Variants in GATA4 observed in about 807,000 individuals in gnomAD.
GATA4 encodes GATA binding protein 4.
Under a neutral mutation model 37.9 loss-of-function variants are expected in GATA4, and 7 were observed. The ratio of observed to expected loss-of-function variants is 0.18; its 90% CI spans 0.11 to 0.35. The LOEUF (loss-of-function observed/expected upper bound fraction) is 0.35. Ranked by LOEUF, GATA4 falls within the 10% of genes least tolerant of loss-of-function variation. The probability of loss-of-function intolerance (pLI) is 1.00; values close to 1 mark genes in which losing one functional copy is unlikely to be tolerated. For missense variants in GATA4, 647 were observed against 653.0 expected (o/e 0.99, Z 0.10); for synonymous variants, 372 against 292.6 (o/e 1.27, Z -2.77).
intron 6 of GATA4, 48 bp downstream of exon 6, chr8:11,757,131 T>G (rs763624027): frequency 6.2e-7 from 1 of 1,608,982 alleles, no homozygotes; most frequent in African/African-American, 1.3e-5. Context: ...GGAGGCCGAC[T>G]GCAGAGTCCC....
At chr8:11,691,820 C>G (rs1480643450), upstream of GATA4, among the ~76,000 whole-genome samples, 1 of 151,944 alleles carries the variant, frequency 6.6e-6, no homozygotes, top group African/African-American at 2.4e-5. Flanking sequence ...GCGCCCCAAA[C>G]AAAAGACTAC....
At chr8:11,703,076 T>G (rs2130032901), upstream of GATA4, among the ~76,000 whole-genome samples, 1 of 152,234 alleles carries the variant, frequency 6.6e-6, no homozygotes, top group East Asian at 1.9e-4. Flanking sequence ...CCAGCCTGCT[T>G]TCGGAGCAGC....
intron 4 of GATA4, among the ~76,000 whole-genome samples, chr8:11,752,502 A>C (rs767284375): frequency 6.6e-6 from 1 of 152,238 alleles, no homozygotes; most frequent in Non-Finnish European, 1.5e-5. Flanking sequence ...CACTATAGTG[A>C]GAACAGTATG....
intron 2 of GATA4, among the ~76,000 whole-genome samples, chr8:11,734,579 T>C (rs770525681): frequency 1.1e-4 from 16 of 152,186 alleles, no homozygotes; most frequent in African/African-American, 3.4e-4. Context: ...CTCCGCCTCC[T>C]GGGTTCAGGC....
At chr8:11,702,126 C>T (rs1799696907), upstream of GATA4, among the ~76,000 whole-genome samples, 1 of 152,208 alleles carries the variant, frequency 6.6e-6, no homozygotes, top group South Asian at 2.1e-4. The surrounding 1 kb of genome is among the most constrained non-coding windows in gnomAD (Gnocchi z 4.4). Flanking sequence ...GCACCTCCCG[C>T]TGCAGCCCAT....
At chr8:11,753,389 T>A (rs1000451883) in intron 4 of GATA4, among the ~76,000 whole-genome samples, 19 of 151,822 alleles carry the variant, frequency 1.3e-4, no homozygotes, top group South Asian at 2.1e-4. Context: ...GGGATGGTGG[T>A]CAGGCTTGCA....
chr8:11,727,640 C>A (rs538058656), intron 2 of GATA4, among the ~76,000 whole-genome samples: 1 of 151,982 alleles, frequency 6.6e-6, no homozygotes, highest in South Asian at 2.1e-4. Flanking sequence ...CTCAGGAGTT[C>A]GAGACCAGAC....
rs189997952 is a variant in GATA4 at position 11,698,031 on chromosome 8, G to C, written c.-728-2477G>C. 3.7e-4 allele frequency: 365 copies of C among 984,664 alleles called. No individual in the cohort carries two copies. In the East Asian group the frequency reaches 4.4e-3, roughly 12 times the overall value. 61.0% of individuals were successfully genotyped at this position (984,664 alleles called of 1,614,324 possible). On this transcript the variant is annotated intron_variant, in intron 1 of 2. Transcript: ENST00000526974. ...GGGCAAGAGGAGCCCTGGACTCTGGGTTGACCTCGTCCCGGTCGGGTTCTC... is the reference window on the plus strand; with the variant it reads ...GGGCAAGAGGAGCCCTGGACTCTGGCTTGACCTCGTCCCGGTCGGGTTCTC...
At chr8:11,693,478 AAGAG>A (rs113044488) in intron 1 of GATA4, among the ~76,000 whole-genome samples, 152 of 144,312 alleles carry the variant, frequency 1.1e-3, no homozygotes, top group African/African-American at 3.5e-3. Context: ...AGGGAGAAAG[AAGAG>A]AGAGAGAGAG....
At chr8:11,715,253 CA>C in intron 2 of GATA4, among the ~76,000 whole-genome samples, 2 of 152,238 alleles carry the variant, frequency 1.3e-5, no homozygotes, top group South Asian at 4.1e-4. Context: ...ATTTGTAACA[CA>C]GATTTGCCTG....
intron 1 of GATA4, among the ~76,000 whole-genome samples, chr8:11,695,040 C>A (rs750450691): frequency 1.8e-4 from 28 of 152,198 alleles, no homozygotes; most frequent in African/African-American, 2.9e-4. Context: ...TGCTACCTTG[C>A]GCCCTGATGG....
intron 2 of GATA4, among the ~76,000 whole-genome samples, chr8:11,711,747 CAAAAAAAAAAAAA>C (rs71205018): frequency 3.5e-5 from 2 of 56,864 alleles, no homozygotes; most frequent in African/African-American, 1.4e-4. Context: ...GACCCTCTCT[CAAAAAAAAAAAAA>C]AAAAAAAAAA....
rs570058209 is a variant in GATA4 at position 11,753,020 on chromosome 8, T to C, written c.913-2026T>C. Among the ~76,000 whole-genome samples, 6 of 152,218 alleles carry C rather than the reference T, an allele frequency of 3.9e-5. No homozygotes were observed. The South Asian group carries it at 1.2e-3, about 32-fold the overall frequency. ...ATTATATTCTCAGAAAATAAAAAAA[T>C]AGAATTACCACATGATCCAGCGTAC... is the stretch of plus-strand genomic sequence containing the variant. On this transcript the variant is annotated intron_variant, in intron 4 of 6. Coordinates refer to ENST00000532059, the MANE Select transcript of GATA4 (RefSeq NM_001308093.3).
chr8:11,736,187 G>C (rs1801444490), intron 2 of GATA4, among the ~76,000 whole-genome samples: 1 of 152,244 alleles, frequency 6.6e-6, no homozygotes, highest in South Asian at 2.1e-4. Context: ...TTACAGGCCA[G>C]AGCCACCATG....
At chr8:11,721,168 C>T (rs1272427478) in intron 2 of GATA4, among the ~76,000 whole-genome samples, 1 of 151,288 alleles carries the variant, frequency 6.6e-6, no homozygotes, top group African/African-American at 2.4e-5. Flanking sequence ...TTCTACGGAG[C>T]CCTTAGGATA....
chr8:11,721,690 A>G (rs747831836), intron 2 of GATA4, among the ~76,000 whole-genome samples: 99 of 152,292 alleles, frequency 6.5e-4, no homozygotes, highest in Middle Eastern at 6.8e-3. Flanking sequence ...TAGTCCCCAA[A>G]TCTGGAGCCC....
intron 1 of GATA4, among the ~76,000 whole-genome samples, chr8:11,680,127 C>T (rs967965889): frequency 1.3e-5 from 2 of 152,214 alleles, no homozygotes; most frequent in African/African-American, 2.4e-5. Flanking sequence ...GCGCGCAGCC[C>T]GCGGGGAAAA....
chr8:11,739,326 T>C (rs1563220084), intron 2 of GATA4, among the ~76,000 whole-genome samples: 1 of 152,220 alleles, frequency 6.6e-6, no homozygotes, highest in Non-Finnish European at 1.5e-5. Context: ...TCCTCTACCA[T>C]TGGGCGTTTT....
chr8:11,748,922 T>A lies in GATA4; in HGVS notation c.623T>A (p.Met208Lys), dbSNP rs140892695. ...PAARHPNLVD[M>K]FDDFSEGREC... ...TCTGTTCCCCCCAACTCAGTAGATA[T>A]GTTTGACGACTTCTCAGAAGGCAGA... The change falls in exon 3 of 7, where the codon ATG (methionine) becomes AAG (lysine). Residue 208 changes from methionine (M) to lysine (K), a missense_variant. By Grantham distance (95) the Met-to-Lys change is moderately conservative. Coordinates refer to ENST00000532059, the MANE Select transcript of GATA4 (RefSeq NM_001308093.3). The A allele has an allele frequency of 6.2e-7, 1 of 1,614,244 alleles. No individual in the cohort carries two copies. Among genetic ancestry groups the A allele is most frequent in the Non-Finnish European group, 8.5e-7 (1 of 1,180,042 alleles).
Sources: allele counts gnomAD v4.1 joint callset (sites outside exome capture counted in the v4.1 genomes callset), GRCh38; gene constraint gnomAD v4.1.1; non-coding constraint Gnocchi (gnomAD v3.1); transcripts MANE v1.5; gene names NCBI Gene and HGNC (gene_info 2026-07-23, HGNC 2026-07-21).